Variants in SMURF2 observed in about 807,000 individuals in gnomAD.
SMURF2 encodes the protein SMAD specific E3 ubiquitin protein ligase 2, also known as E3 ubiquitin-protein ligase SMURF2.
SMURF2 carries 48 observed loss-of-function variants against 109.6 expected under a neutral mutation model. The ratio of observed to expected loss-of-function variants is 0.44; its 90% CI spans 0.35 to 0.56. The LOEUF is 0.56. Among genes scored for constraint, SMURF2 ranks in the 20% least tolerant of loss-of-function variants. The pLI is 0.01. For missense variants in SMURF2, 575 were observed against 909.0 expected (o/e 0.63, Z 4.72); for synonymous variants, 288 against 317.1 (o/e 0.91, Z 0.97).
intron 1 of SMURF2, among the ~76,000 whole-genome samples, chr17:64,648,774 A>C (rs576573182): frequency 8.3e-4 from 127 of 152,166 alleles, no homozygotes; most frequent in African/African-American, 2.9e-3. Flanking sequence ...AAAAACAAAA[A>C]ACAAAACACA....
chr17:64,564,551 T>C (rs1037816368), intron 10 of SMURF2, among the ~76,000 whole-genome samples: 2 of 152,164 alleles, frequency 1.3e-5, no homozygotes, highest in African/African-American at 4.8e-5. Context: ...AAGATCATAC[T>C]GGATTAGGAT....
At chr17:64,641,793 C>T (rs1321319967) in intron 1 of SMURF2, among the ~76,000 whole-genome samples, 3 of 152,098 alleles carry the variant, frequency 2.0e-5, no homozygotes, top group African/African-American at 7.2e-5. Context: ...AATTAAGCCC[C>T]TTGCCAAATC....
At chr17:64,616,463 A>G (rs1298240199) in intron 1 of SMURF2, among the ~76,000 whole-genome samples, 1 of 151,890 alleles carries the variant, frequency 6.6e-6, no homozygotes, top group Non-Finnish European at 1.5e-5. Flanking sequence ...AGCCTGGCCA[A>G]CATAGTGAAA....
intron 5 of SMURF2, among the ~76,000 whole-genome samples, chr17:64,589,908 G>A (rs1170102405): frequency 5.3e-5 from 8 of 151,996 alleles, no homozygotes; most frequent in African/African-American, 1.2e-4. Flanking sequence ...CCATGAAACC[G>A]GTTCCTGGTA....
At chr17:64,568,202 C>T (rs900362244) in intron 10 of SMURF2, among the ~76,000 whole-genome samples, 3 of 151,708 alleles carry the variant, frequency 2.0e-5, no homozygotes, top group Non-Finnish European at 4.4e-5. Context: ...GTTGGCCAGG[C>T]TGGTCTCGAA....
Position 64,583,515 on chromosome 17 carries a change from C to T in SMURF2, c.515G>A (p.Arg172Lys). The change falls in exon 7 of 19, where the codon AGA (arginine) becomes AAA (lysine). Residue 172 changes from arginine (R) to lysine (K), a missense_variant. By Grantham distance (26) the Arg-to-Lys change is conservative (BLOSUM62 2). Coordinates refer to ENST00000262435, the MANE Select transcript of SMURF2 (RefSeq NM_022739.4). ...GWEERRTASGRIQYLNHITRT... is the reference protein window; with the variant it reads ...GWEERRTASGKIQYLNHITRT... ...TGTTATATGGTTTAGATACTGGATT[C>T]TTCCAGAGGCGGTTCTCCTTTCTTC... 1.2e-6 allele frequency: 2 copies of T among 1,614,018 alleles called. No homozygotes were observed. The highest frequency in any genetic ancestry group is 2.2e-5 in the South Asian group (2 of 91,070).
At chr17:64,616,532 C>T (rs1211795775) in intron 1 of SMURF2, among the ~76,000 whole-genome samples, 2 of 151,704 alleles carry the variant, frequency 1.3e-5, no homozygotes, top group African/African-American at 2.4e-5. Flanking sequence ...TGCCTGTATA[C>T]AGTCTCTGCT....
At chr17:64,546,864 G>C (rs1555683142) in intron 17 of SMURF2, among the ~76,000 whole-genome samples, 1 of 152,232 alleles carries the variant, frequency 6.6e-6, no homozygotes, top group East Asian at 1.9e-4. Flanking sequence ...TCTCCTTACA[G>C]AGAAGGGCAG....
chr17:64,572,804 C>T (rs1251275020), intron 9 of SMURF2: 3 of 152,110 alleles, frequency 2.0e-5, no homozygotes, highest in Non-Finnish European at 1.5e-5. Flanking sequence ...AGAGTTGTAG[C>T]CTCTGTAATA....
At chr17:64,642,929 G>A (rs1003291308) in intron 1 of SMURF2, among the ~76,000 whole-genome samples, 5 of 152,012 alleles carry the variant, frequency 3.3e-5, no homozygotes, top group African/African-American at 9.7e-5. Context: ...CTGGTGGCTG[G>A]GACTACAGGC....
chr17:64,597,454 A>G (rs1385020996), intron 3 of SMURF2, among the ~76,000 whole-genome samples: 1 of 152,134 alleles, frequency 6.6e-6, no homozygotes, highest in African/African-American at 2.4e-5. Context: ...AAGCCGAATC[A>G]TCTTCTAGGT....
intron 3 of SMURF2, among the ~76,000 whole-genome samples, chr17:64,597,291 T>C (rs1336840770): frequency 1.3e-5 from 2 of 152,060 alleles, no homozygotes; most frequent in Non-Finnish European, 2.9e-5. Context: ...CATGCACCTG[T>C]AGTTCCAGCT....
At chr17:64,564,458 T>G (rs541395929) in intron 10 of SMURF2, among the ~76,000 whole-genome samples, 10 of 152,322 alleles carry the variant, frequency 6.6e-5, no homozygotes, top group Non-Finnish European at 1.5e-5. Flanking sequence ...CCAAAAGATA[T>G]GCTGAAGGCT....
chr17:64,641,774 A>G (rs1008432496), intron 1 of SMURF2, among the ~76,000 whole-genome samples: 3 of 152,134 alleles, frequency 2.0e-5, no homozygotes, highest in Non-Finnish European at 4.4e-5. Context: ...CTCTGGGCCA[A>G]AATGACCCAA....
At chr17:64,595,182 T>C (rs1555687996) in intron 3 of SMURF2, among the ~76,000 whole-genome samples, 3 of 152,164 alleles carry the variant, frequency 2.0e-5, no homozygotes, top group Non-Finnish European at 2.9e-5. Flanking sequence ...GTTGGGAAGC[T>C]CTACATTAAA....
rs201657151 is a variant in SMURF2 at position 64,547,747 on chromosome 17, G to A, written c.1924C>T (p.Arg642Trp). 6.3e-5 allele frequency: 101 copies of A among 1,614,038 alleles called. No individual in the cohort carries two copies. The highest frequency in any genetic ancestry group is 2.8e-4 in the Admixed American group (17 of 59,994). ...CTGTCTGGTGTACAGTGTTTTAACC[G>A]GGTGTTTACCTTCCAGTCATTAACA... ...IDVNDWKVNT[R>W]LKHCTPDSNI... Residue 642 changes from arginine to tryptophan, a missense_variant, in exon 17 of 19, where the codon CGG becomes TGG. By Grantham distance (101) the Arg-to-Trp change is moderately radical. Transcript: ENST00000262435. The surrounding 1 kb of genome is among the most constrained non-coding windows in gnomAD (Gnocchi z 4.2).
At chr17:64,551,954 AGAAGCTCCCAG>A (rs1969051754) in intron 15 of SMURF2, among the ~76,000 whole-genome samples, 1 of 152,196 alleles carries the variant, frequency 6.6e-6, no homozygotes, top group Non-Finnish European at 1.5e-5. Flanking sequence ...TTCAAATCAG[AGAAGCTCCCAG>A]GAAACAGGAC....
At chr17:64,549,980 G>A (rs1969018276) in intron 16 of SMURF2, among the ~76,000 whole-genome samples, 1 of 152,220 alleles carries the variant, frequency 6.6e-6, no homozygotes. Context: ...TGTATTTAAT[G>A]ACATAAAAGA....
intron 1 of SMURF2, among the ~76,000 whole-genome samples, chr17:64,628,499 A>G (rs1970295917): frequency 6.6e-6 from 1 of 152,200 alleles, no homozygotes; most frequent in Non-Finnish European, 1.5e-5. Flanking sequence ...GTCCAAATTC[A>G]TATACATGTC....
Sources: gnomAD v4.1 joint callset for allele counts (sites outside exome capture counted in the v4.1 genomes callset) on GRCh38, gnomAD v4.1.1 for gene constraint, Gnocchi (gnomAD v3.1) non-coding constraint, MANE v1.5 for transcripts, NCBI Gene and HGNC (gene_info 2026-07-23, HGNC 2026-07-21) for gene names.